Variants in TLL1 observed in about 807,000 individuals in gnomAD.
The protein encoded by TLL1 is tolloid-like protein 1.
A neutral mutation model predicts 128.2 loss-of-function variants in TLL1; 49 were observed. The ratio of observed to expected loss-of-function variants is 0.38; its 90% confidence interval spans 0.30 to 0.48. The LOEUF (loss-of-function observed/expected upper bound fraction) is 0.48, where lower values mean the gene tolerates loss of function less well. Ranked by LOEUF, TLL1 falls within the 20% of genes least tolerant of loss-of-function variation. The pLI, the probability that TLL1 is intolerant of heterozygous loss-of-function variation, is 0.96. For synonymous variants in TLL1, 454 were observed against 418.8 expected, an observed-to-expected ratio of 1.08 and a Z score of -1.03; for missense variants, 1,123 against 1,242.0, an observed-to-expected ratio of 0.90 and a Z score of 1.44.
intron 16 of TLL1, among the ~76,000 whole-genome samples, chr4:166,070,783 G>A (rs1740780321): frequency 6.6e-6 from 1 of 151,844 alleles, no homozygotes; most frequent in African/African-American, 2.4e-5. Flanking sequence ...ATATTTGTAA[G>A]TGTCCTTCTT....
At chr4:166,089,471 ATTC>A (rs1741664828) in intron 18 of TLL1, among the ~76,000 whole-genome samples, 1 of 152,104 alleles carries the variant, frequency 6.6e-6, no homozygotes, top group Non-Finnish European at 1.5e-5. Context: ...CCATATACTT[ATTC>A]AGAATCTTCT....
rs976235011 is a variant in TLL1, at chr4:166,026,516, A to G, written c.1158+1085A>G. On this transcript the variant is annotated intron_variant, in intron 9 of 20. Coordinates refer to ENST00000061240, the MANE Select transcript of TLL1 (RefSeq NM_012464.5). ...AGCCTGGCCAACATGGTGAAGCCCC[A>G]TCTCTACAAAAAATACAAAAATTAG... Among the ~76,000 whole-genome samples the G allele has an allele frequency of 6.6e-5, 10 of 152,266 alleles. No homozygotes were observed. The East Asian group carries it at 1.4e-3, about 21-fold the overall frequency.
In TLL1 at chr4:166,101,956, G is replaced by C. The variant is rs1209662490; in HGVS notation, c.*1080G>C. 1.3e-5 allele frequency: 2 copies of C among 152,342 alleles called. No homozygotes were observed. Among genetic ancestry groups the C allele is most frequent in the East Asian group, 1.9e-4 (1 of 5,166 alleles). The allele number at this position is 152,342 out of a possible 1,614,324, so 9.4% of individuals were successfully genotyped here. On this transcript the variant is annotated 3_prime_UTR_variant, in exon 21 of 21. Coordinates refer to ENST00000061240, the MANE Select transcript of TLL1 (RefSeq NM_012464.5). ...TGCTGGAAAAAAAAGATTTGTTTCT[G>C]AAAGACTTCTTATGGTGCTATTCCA... is the stretch of plus-strand genomic sequence containing the variant.
chr4:165,943,454 C>A (rs1354461406), intron 1 of TLL1, among the ~76,000 whole-genome samples: 1 of 151,566 alleles, frequency 6.6e-6, no homozygotes, highest in Non-Finnish European at 1.5e-5. Context: ...TTTTTTATTT[C>A]TTTCTTATAC....
At chr4:165,994,300 T>C in intron 3 of TLL1, 81 bp from the exon 4 acceptor site, 1 of 1,552,212 alleles carries the variant, frequency 6.4e-7, no homozygotes, top group Non-Finnish European at 8.9e-7. Context: ...AATAAGACAT[T>C]TTAACTTTTG....
At chr4:165,994,256 T>C in intron 3 of TLL1, 125 bp from the exon 4 acceptor site, 1 of 1,125,608 alleles carries the variant, frequency 8.9e-7, no homozygotes, top group African/African-American at 1.6e-5. Flanking sequence ...CTTTAATGCA[T>C]TTTGACTTCT....
chr4:166,027,358 G>T (rs970028343), intron 9 of TLL1, among the ~76,000 whole-genome samples: 6 of 152,102 alleles, frequency 3.9e-5, no homozygotes, highest in Non-Finnish European at 8.8e-5. Context: ...TGGTGGGAAT[G>T]CAATTGCAAT....
At chr4:165,900,351 A>G (rs181720216) in intron 1 of TLL1, among the ~76,000 whole-genome samples, 13 of 152,142 alleles carry the variant, frequency 8.5e-5, no homozygotes, top group African/African-American at 1.2e-4. Flanking sequence ...ACAATTTGGT[A>G]TGTTTTTGCA....
intron 1 of TLL1, among the ~76,000 whole-genome samples, chr4:165,970,505 G>A (rs1259982922): frequency 6.6e-6 from 1 of 152,148 alleles, no homozygotes; most frequent in Non-Finnish European, 1.5e-5. Context: ...TGAAAGTGGA[G>A]GAGGAGGTTG....
chr4:165,993,864 G>C lies in TLL1; in HGVS notation c.362-517G>C, dbSNP rs184530542. Among the ~76,000 whole-genome samples, 233 of 152,168 alleles carry C rather than the reference G, an allele frequency of 1.5e-3. 1 individual carries two copies. The highest frequency in any genetic ancestry group is 5.1e-3 in the African/African-American group (214 of 41,556). On this transcript the variant is annotated intron_variant, in intron 3 of 20. Transcript: ENST00000061240. ...ATGGAGATAGCTTGTTGTACGGGAG[G>C]CTGAGACCATATTTGTCTTAATGTT...
intron 18 of TLL1, among the ~76,000 whole-genome samples, chr4:166,080,579 G>T (rs1341743035): frequency 6.6e-6 from 1 of 151,668 alleles, no homozygotes; most frequent in Non-Finnish European, 1.5e-5. Flanking sequence ...TATTTTTCTT[G>T]CCTTTTTGTG....
At chr4:166,012,443 C>T (rs1219425675) in intron 7 of TLL1, among the ~76,000 whole-genome samples, 1 of 151,564 alleles carries the variant, frequency 6.6e-6, no homozygotes, top group Non-Finnish European at 1.5e-5. Flanking sequence ...TATATTCTCT[C>T]CAAGATGTCA....
chr4:166,043,700 A>G (rs565639216), intron 12 of TLL1, among the ~76,000 whole-genome samples: 64 of 152,334 alleles, frequency 4.2e-4, no homozygotes, highest in Admixed American at 2.9e-3. Flanking sequence ...TGACAAATGC[A>G]CAGGCTTATT....
rs146410508 is a variant in TLL1, at chr4:166,104,046, C to T, written c.*3170C>T. On this transcript the variant is annotated 3_prime_UTR_variant, in exon 21 of 21. Coordinates refer to ENST00000061240, the MANE Select transcript of TLL1 (RefSeq NM_012464.5). The stretch of plus-strand genomic sequence containing the variant: ...TACTGGCTGGATTTTTGCTACCTGT[C>T]GCTCATTTTAATATGTCACAGTATG... Among the ~76,000 whole-genome samples, 1,191 of 151,900 alleles carry T rather than the reference C, an allele frequency of 7.8e-3. 16 individuals are homozygous for T. The highest frequency in any genetic ancestry group is 0.026 in the African/African-American group (1,094 of 41,486).
intron 18 of TLL1, among the ~76,000 whole-genome samples, chr4:166,081,928 G>A (rs1741300656): frequency 6.6e-6 from 1 of 151,926 alleles, no homozygotes; most frequent in African/African-American, 2.4e-5. Context: ...TAACTCTAGG[G>A]CAATCTGTTC....
chr4:166,078,635 G>A (rs1741145420), intron 18 of TLL1, among the ~76,000 whole-genome samples: 2 of 152,032 alleles, frequency 1.3e-5, no homozygotes, highest in Non-Finnish European at 2.9e-5. Flanking sequence ...TTCTGGCCTG[G>A]TCATAAATAA....
intron 5 of TLL1, among the ~76,000 whole-genome samples, chr4:166,000,784 A>C (rs774461797): frequency 1.9e-4 from 29 of 152,100 alleles, no homozygotes; most frequent in Non-Finnish European, 3.2e-4. Context: ...CATAATAGGT[A>C]CCTATATATG....
chr4:165,941,872 C>T (rs993120056), intron 1 of TLL1, among the ~76,000 whole-genome samples: 3 of 152,012 alleles, frequency 2.0e-5, no homozygotes, highest in African/African-American at 4.8e-5. Flanking sequence ...GATTTTAGGT[C>T]TTGGCTAGTA....
intron 1 of TLL1, among the ~76,000 whole-genome samples, chr4:165,979,827 C>A (rs193117477): frequency 6.6e-6 from 1 of 152,168 alleles, no homozygotes; most frequent in East Asian, 1.9e-4. Context: ...AGATTTGAGG[C>A]AAATTTTGCA....
Sources: gnomAD v4.1 joint callset for allele counts (sites outside exome capture counted in the v4.1 genomes callset) on GRCh38, gnomAD v4.1.1 for gene constraint, MANE v1.5 for transcripts, NCBI Gene and HGNC (gene_info 2026-07-23, HGNC 2026-07-21) for gene names.